Variants in KIF2C observed in about 807,000 individuals in gnomAD.
KIF2C encodes kinesin family member 2C.
KIF2C carries 34 observed loss-of-function variants against 97.4 expected under a neutral mutation model. That is an observed-to-expected ratio of 0.35 (90% CI 0.27 to 0.46). KIF2C has a LOEUF of 0.46. KIF2C is among the 20% of genes least tolerant of loss of function. The pLI is 1.00. For missense variants in KIF2C, 750 were observed against 907.6 expected, an observed-to-expected ratio of 0.83 and a Z score of 2.23; for synonymous variants, 313 against 318.2, an observed-to-expected ratio of 0.98 and a Z score of 0.17.
At chr1:44,745,555 C>A (rs1244739083) in intron 2 of KIF2C, among the ~76,000 whole-genome samples, 1 of 133,368 alleles carries the variant, frequency 7.5e-6, no homozygotes, top group Non-Finnish European at 1.5e-5. Flanking sequence ...CTTACTGCAA[C>A]CTCCGCCTCC....
chr1:44,758,050 C>T lies in KIF2C; in HGVS notation c.1134C>T (p.Ser378=), dbSNP rs1439004226. ...NASKGIYAMA[S]RDVFLLKNQP... is the part of the protein sequence containing the mutation. ...GCTTAGCAAAGTTCTCTCCCTCAGC[C>T]CGGGACGTCTTCCTCCTGAAGAATC... The change falls in exon 13 of 21, where the codon TCC becomes TCT. Residue 378 remains serine, a splice_region_variant and synonymous_variant. Coordinates refer to ENST00000372224, the MANE Select transcript of KIF2C (RefSeq NM_006845.4). 3 of 1,614,168 alleles carry T rather than the reference C, an allele frequency of 1.9e-6. No individual in the cohort carries two copies. The highest frequency in any genetic ancestry group is 2.5e-6 in the Non-Finnish European group (3 of 1,180,020).
intron 7 of KIF2C, 48 bp from the exon 8 acceptor site, chr1:44,754,702 C>A: frequency 9.3e-7 from 1 of 1,080,812 alleles, no homozygotes; most frequent in Non-Finnish European, 1.4e-6. Flanking sequence ...GGTCTGAGAG[C>A]ACTTATATCT....
rs370803049 is a variant in KIF2C, at chr1:44,754,881, T to C, written c.759+36T>C. On this transcript the variant is annotated intron_variant, in intron 8 of 20. Coordinates refer to ENST00000372224, the MANE Select transcript of KIF2C (RefSeq NM_006845.4). The stretch of plus-strand genomic sequence containing the variant: ...CCAAAGAACTTCTCTTTCTTAAGTG[T>C]ACAATTGAGAGACAGAAAACTTCTC... 9.9e-4 allele frequency: 1,272 copies of C among 1,284,964 alleles called. 2 individuals are homozygous for C. The highest frequency in any genetic ancestry group is 1.3e-3 in the Non-Finnish European group (1,172 of 883,938). The allele number at this position is 1,284,964 out of a possible 1,614,324, so 79.6% of individuals were successfully genotyped here.
intron 13 of KIF2C, 140 bp downstream of exon 13, chr1:44,758,280 C>T (rs1052005056): frequency 8.5e-6 from 6 of 701,982 alleles, no homozygotes; most frequent in Non-Finnish European, 9.8e-6. Context: ...CCCTGGCATA[C>T]ACATGTAGGT....
rs749307252 is a variant in KIF2C, at chr1:44,762,434, G to T, written c.1840G>T (p.Ala614Ser). Reference sequence around the variant, plus strand: ...AGAGATGGAAGCCTGCTCTAACGGGGCGCTGATTCCAGGCAATGTAAGGAC... The same window carrying T: ...AGAGATGGAAGCCTGCTCTAACGGGTCGCTGATTCCAGGCAATGTAAGGAC... ...TEEMEACSNG[A>S]LIPGNLSKEE... The change falls in exon 18 of 21, where the codon GCG becomes TCG. Residue 614 changes from alanine (A) to serine (S), a missense_variant. By Grantham distance (99) the Ala-to-Ser change is moderately conservative. Coordinates refer to ENST00000372224, the MANE Select transcript of KIF2C (RefSeq NM_006845.4). 2 of 1,614,048 alleles carry T rather than the reference G, an allele frequency of 1.2e-6. No individual in the cohort carries two copies. The highest frequency in any genetic ancestry group is 1.1e-5 in the South Asian group (1 of 91,084).
Position 44,762,528 on chromosome 1 carries a change from C to A in KIF2C, c.1858-17C>A. On this transcript the variant is annotated splice_polypyrimidine_tract_variant and intron_variant, in intron 18 of 20. Transcript: ENST00000372224. ...GCACCTGGGTCACATAATTGTCTTTCTTTTTGGCCCTCTCAGTTATCCAAG... is the reference window on the plus strand; with the variant it reads ...GCACCTGGGTCACATAATTGTCTTTATTTTTGGCCCTCTCAGTTATCCAAG... The A allele has an allele frequency of 6.2e-7, 1 of 1,612,300 alleles. No homozygotes were observed. The highest frequency in any genetic ancestry group is 8.5e-7 in the Non-Finnish European group (1 of 1,178,302).
chr1:44,755,881 A>C, intron 8 of KIF2C, 48 bp from the exon 9 acceptor site: 1 of 1,594,846 alleles, frequency 6.3e-7, no homozygotes, highest in East Asian at 2.2e-5. Context: ...CGCTTTTGAA[A>C]TTGCTCTGAC....
rs765477730 is a variant in KIF2C at position 44,762,625 on chromosome 1, G to C, written c.1938G>C (p.Glu646Asp). 27 of 1,613,962 alleles carry C rather than the reference G, an allele frequency of 1.7e-5. No homozygotes were observed. The highest frequency in any genetic ancestry group is 2.2e-5 in the Non-Finnish European group (26 of 1,179,972). ...EAMTQIRELE[E>D]KAMEELKEII... ...TGACTCAGATCAGGGAGCTGGAGGAGAAGGCTATGGAAGAGCTCAAGGAGA... is the reference window on the plus strand; with the variant it reads ...TGACTCAGATCAGGGAGCTGGAGGACAAGGCTATGGAAGAGCTCAAGGAGA... Residue 646 changes from glutamate (E) to aspartate (D), a missense_variant, in exon 19 of 21, where the codon GAG (glutamate) becomes GAC (aspartate). Physicochemically the swap from Glu to Asp is conservative, Grantham distance 45 (BLOSUM62 2). Transcript: ENST00000372224.
Position 44,757,568 on chromosome 1 carries a change from GCCA to G in KIF2C, c.992_994del (p.Pro331del). 1 of 1,612,114 alleles carries G rather than the reference GCCA, an allele frequency of 6.2e-7. No individual in the cohort carries two copies. The highest frequency in any genetic ancestry group is 8.5e-7 in the Non-Finnish European group (1 of 1,178,150). ...ACCCCTCTTCTAGGTTCACAGCAAG[GCCA>G]CTGGTACAGACAATCTTTGAAGGTG... On this transcript the variant is annotated inframe_deletion, in exon 11 of 21. Coordinates refer to ENST00000372224, the MANE Select transcript of KIF2C (RefSeq NM_006845.4).
intron 6 of KIF2C, 81 bp from the exon 7 acceptor site, chr1:44,753,652 T>C: frequency 1.1e-6 from 1 of 916,488 alleles, no homozygotes; most frequent in Non-Finnish European, 1.7e-6. Flanking sequence ...ACTCAGTAAA[T>C]AGCCAGAGAA....
In KIF2C at chr1:44,749,079, C is replaced by T. The variant is rs189061040; in HGVS notation, c.317-1363C>T. Among the ~76,000 whole-genome samples, 786 of 152,212 alleles carry T rather than the reference C, an allele frequency of 5.2e-3. 3 individuals carry two copies. Among genetic ancestry groups the T allele is most frequent in the Non-Finnish European group, 8.6e-3 (584 of 67,996 alleles). ...TGAGGGGCCAAGGTGGGCAGATCAC[C>T]TGAGGTCAGGAGTTCCAAGCCAGCC... On this transcript the variant is annotated intron_variant, in intron 4 of 20. Transcript: ENST00000372224.
At chr1:44,757,711 G>C in intron 11 of KIF2C, 65 bp downstream of exon 11, 2 of 1,249,858 alleles carry the variant, frequency 1.6e-6, no homozygotes, top group South Asian at 2.4e-5. Flanking sequence ...CCTATAAAGG[G>C]AGACAATGAG....
intron 14 of KIF2C, among the ~76,000 whole-genome samples, chr1:44,759,781 G>A (rs1650044457): frequency 6.6e-6 from 1 of 152,222 alleles, no homozygotes. Flanking sequence ...TCCCTTTGTG[G>A]TGGAAGTCGG....
intron 4 of KIF2C, 196 bp from the exon 5 acceptor site, chr1:44,750,246 C>T: frequency 2.1e-6 from 1 of 467,072 alleles, no homozygotes; most frequent in Non-Finnish European, 3.6e-6. Flanking sequence ...TAGATTTGCA[C>T]AATGTGGACA....
At chr1:44,754,208 G>C (rs981817654) in intron 7 of KIF2C, among the ~76,000 whole-genome samples, 1 of 151,990 alleles carries the variant, frequency 6.6e-6, no homozygotes, top group African/African-American at 2.4e-5. Flanking sequence ...GGCATGAGCT[G>C]TTGCGCCTGG....
At chr1:44,746,756 G>A (rs1335305630) in intron 2 of KIF2C, 2 of 1,609,508 alleles carry the variant, frequency 1.2e-6, no homozygotes, top group Non-Finnish European at 1.7e-6. Flanking sequence ...TATCCATCTA[G>A]ATGGTAAACC....
chr1:44,740,571 A>G (rs552775554), intron 1 of KIF2C, among the ~76,000 whole-genome samples: 15 of 152,196 alleles, frequency 9.9e-5, no homozygotes, highest in Non-Finnish European at 1.9e-4. Context: ...TGTTGAGGAA[A>G]AGTTCATCTA....
In KIF2C at chr1:44,759,279, G is replaced by T; in HGVS notation, c.1298G>T (p.Gly433Val). ...EDGKQQVQVV[G>V]LQEHLVNSAD... ...GGCAAGCAACAGGTGCAAGTGGTGG[G>T]GCTGCAGGAGCATCTGGTTAACTCT... Residue 433 changes from glycine to valine, a missense_variant, in exon 14 of 21, where the codon GGG becomes GTG. By Grantham distance (109) the Gly-to-Val change is moderately radical. Transcript: ENST00000372224. The T allele has an allele frequency of 6.2e-7, 1 of 1,614,176 alleles. No individual in the cohort carries two copies.
At chr1:44,755,201 G>A (rs1225065028) in intron 8 of KIF2C, among the ~76,000 whole-genome samples, 4 of 152,150 alleles carry the variant, frequency 2.6e-5, no homozygotes, top group Non-Finnish European at 4.4e-5. Flanking sequence ...CAAGGAATCC[G>A]CCTACCTTGA....
Sources: gnomAD v4.1 joint callset for allele counts (sites outside exome capture counted in the v4.1 genomes callset) on GRCh38, gnomAD v4.1.1 for gene constraint, MANE v1.5 for transcripts, NCBI Gene and HGNC (gene_info 2026-07-23, HGNC 2026-07-21) for gene names.